DOCK9: variants seen among roughly 807,000 people sequenced by gnomAD.
DOCK9 encodes the protein dedicator of cytokinesis 9.
DOCK9 carries 89 observed loss-of-function variants against 263.3 expected under a neutral mutation model. That is an observed-to-expected ratio of 0.34 (90% CI 0.28 to 0.40). DOCK9 has a LOEUF of 0.40. DOCK9 is among the 10% of genes least tolerant of loss of function. DOCK9 has a pLI of 1.00. For synonymous variants in DOCK9, 976 were observed against 973.1 expected, an observed-to-expected ratio of 1.00 and a Z score of -0.06; for missense variants, 2,140 against 2,603.4, an observed-to-expected ratio of 0.82 and a Z score of 3.87.
At chr13:99,065,280 C>T (rs1330851718) in intron 1 of DOCK9, among the ~76,000 whole-genome samples, 1 of 152,192 alleles carries the variant, frequency 6.6e-6, no homozygotes, top group Non-Finnish European at 1.5e-5. Flanking sequence ...TTACTTTCTG[C>T]CCTCATTACC....
At chr13:98,837,857 A>T (rs924255245) in intron 38 of DOCK9, among the ~76,000 whole-genome samples, 3 of 152,198 alleles carry the variant, frequency 2.0e-5, no homozygotes, top group Non-Finnish European at 2.9e-5. Flanking sequence ...GCAAACATTT[A>T]TTATGCACTT....
chr13:99,035,411 T>C (rs968129803), intron 1 of DOCK9, among the ~76,000 whole-genome samples: 2 of 152,204 alleles, frequency 1.3e-5, no homozygotes, highest in African/African-American at 4.8e-5. Flanking sequence ...CAGTCTCTCT[T>C]GCACTGAAGT....
At chr13:98,794,862 AG>A (rs1449684986) in intron 52 of DOCK9, 114 bp from the exon 53 acceptor site, 2 of 1,221,672 alleles carry the variant, frequency 1.6e-6, no homozygotes, top group Non-Finnish European at 2.3e-6. Context: ...ACAGAGTTTA[AG>A]GCAATGTTGC....
intron 1 of DOCK9, among the ~76,000 whole-genome samples, chr13:99,010,507 T>G (rs181267896): frequency 6.6e-6 from 1 of 152,292 alleles, no homozygotes. Context: ...TTTTGTACAC[T>G]CAGCACACAT....
chr13:99,084,320 C>T (rs1209769119), intron 1 of DOCK9, among the ~76,000 whole-genome samples: 1 of 152,196 alleles, frequency 6.6e-6, no homozygotes, highest in African/African-American at 2.4e-5. Context: ...TTCCTATTTC[C>T]CATTCAGCCA....
At chr13:98,827,887 T>G (rs1422172926) in intron 43 of DOCK9, among the ~76,000 whole-genome samples, 1 of 152,314 alleles carries the variant, frequency 6.6e-6, no homozygotes, top group East Asian at 1.9e-4. Flanking sequence ...CTGGGTATAC[T>G]GGGTTGGGTA....
chr13:98,904,677 T>C lies in DOCK9; in HGVS notation c.990A>G (p.Lys330=). ...KSAREAEIKL[K]SESRVKLFYL... is the part of the protein sequence containing the mutation. Reference sequence around the variant, plus strand: ...AAAAAAGTTTGACTCTGCTTTCACTTTTCAGTTTGATTTCTGCTTCTCTTG... The same window carrying C: ...AAAAAAGTTTGACTCTGCTTTCACTCTTCAGTTTGATTTCTGCTTCTCTTG... Residue 330 remains lysine, a synonymous_variant, in exon 10 of 53, where the codon AAA becomes AAG. Transcript: ENST00000682017. The C allele has an allele frequency of 3.9e-6, 6 of 1,557,670 alleles. 1 individual carries two copies. In the South Asian group the frequency reaches 5.9e-5, roughly 15 times the overall value.
intron 7 of DOCK9, among the ~76,000 whole-genome samples, chr13:98,920,210 A>AT (rs1172082875): frequency 1.3e-5 from 2 of 152,218 alleles, no homozygotes; most frequent in African/African-American, 4.8e-5. Context: ...GTATTGTCTG[A>AT]TTTTTTACAA....
chr13:98,997,851 C>T (rs1259249551), intron 1 of DOCK9, among the ~76,000 whole-genome samples: 4 of 152,194 alleles, frequency 2.6e-5, no homozygotes, highest in East Asian at 3.8e-4. Context: ...TTTCCAGCCC[C>T]GTAGCTAACG....
At chr13:98,795,494 T>C (rs773023490) in intron 52 of DOCK9, among the ~76,000 whole-genome samples, 3 of 152,164 alleles carry the variant, frequency 2.0e-5, no homozygotes, top group Admixed American at 6.5e-5. Flanking sequence ...GTTGGCATAA[T>C]GGGAAGTTCA....
chr13:98,810,411 G>A, intron 45 of DOCK9, 120 bp from the exon 46 acceptor site: 6 of 1,201,906 alleles, frequency 5.0e-6, no homozygotes, highest in Non-Finnish European at 7.0e-6. Context: ...TAGACAACAT[G>A]CATCAACACT....
At chr13:98,902,826 G>T in intron 11 of DOCK9, 146 bp downstream of exon 11, 1 of 855,352 alleles carries the variant, frequency 1.2e-6, no homozygotes, top group Non-Finnish European at 1.7e-6. Context: ...TGTCCTTGCA[G>T]GCTAACAACC....
chr13:98,841,127 G>C (rs557851228), intron 38 of DOCK9, among the ~76,000 whole-genome samples: 82 of 152,226 alleles, frequency 5.4e-4, no homozygotes, highest in African/African-American at 1.9e-3. Flanking sequence ...GATACCCCAA[G>C]GTAAAATTTA....
chr13:98,920,857 T>A (rs1408612994), intron 7 of DOCK9, 97 bp downstream of exon 7: 1 of 1,194,162 alleles, frequency 8.4e-7, no homozygotes, highest in African/African-American at 1.5e-5. Context: ...ACCATGCATA[T>A]TGCCATTTTT....
chr13:98,939,475 T>C (rs2140484659), intron 2 of DOCK9, among the ~76,000 whole-genome samples: 1 of 152,316 alleles, frequency 6.6e-6, no homozygotes, highest in East Asian at 1.9e-4. Context: ...TTTTTGTGCT[T>C]GTTTTCATTT....
At chr13:98,800,567 A>G (rs1473972364) in intron 49 of DOCK9, 89 bp from the exon 50 acceptor site, 3 of 1,412,506 alleles carry the variant, frequency 2.1e-6, no homozygotes, top group Admixed American at 2.4e-5. Flanking sequence ...ATTATTATAC[A>G]TGTCATTATT....
intron 15 of DOCK9, 25 bp downstream of exon 15, chr13:98,897,463 G>A: frequency 6.2e-7 from 1 of 1,612,002 alleles, no homozygotes; most frequent in Non-Finnish European, 8.5e-7. Context: ...TTTTTCAGGT[G>A]TGGAAATAAG....
intron 1 of DOCK9, among the ~76,000 whole-genome samples, chr13:99,028,892 T>A (rs765666011): frequency 6.6e-6 from 1 of 152,212 alleles, no homozygotes; most frequent in Non-Finnish European, 1.5e-5. Flanking sequence ...GTCTAGATAC[T>A]GAATATTCAA....
chr13:99,057,915 A>G (rs1189985228), intron 1 of DOCK9, among the ~76,000 whole-genome samples: 1 of 152,180 alleles, frequency 6.6e-6, no homozygotes. Context: ...TAATTCTGTT[A>G]TGTTGAAAAC....
Sources: allele counts gnomAD v4.1 joint callset (sites outside exome capture counted in the v4.1 genomes callset), GRCh38; gene constraint gnomAD v4.1.1; transcripts MANE v1.5; gene names NCBI Gene and HGNC (gene_info 2026-07-23, HGNC 2026-07-21).